COL23A1: variants seen among roughly 807,000 people sequenced by gnomAD.
COL23A1 encodes collagen type XXIII alpha 1 chain, also known as collagen alpha-1(XXIII) chain.
Under a neutral mutation model 99.3 loss-of-function variants are expected in COL23A1, and 97 were observed. The ratio of observed to expected loss-of-function variants is 0.98; its 90% CI spans 0.83 to 1.16. COL23A1 has a LOEUF of 1.16. Ranked by LOEUF, COL23A1 falls within the 50% of genes most tolerant of loss-of-function variation. COL23A1 has a pLI of 0.00. For missense variants in COL23A1, 762 were observed against 757.4 expected (o/e 1.01, Z -0.07); for synonymous variants, 320 against 308.2 (o/e 1.04, Z -0.40).
At chr5:178,581,453 C>A (rs1293079219) in intron 1 of COL23A1, among the ~76,000 whole-genome samples, 1 of 151,662 alleles carries the variant, frequency 6.6e-6, no homozygotes, top group African/African-American at 2.4e-5. Context: ...GTAATCCCAG[C>A]TACTCGGGAG....
intron 2 of COL23A1, among the ~76,000 whole-genome samples, chr5:178,397,378 C>G (rs1385900733): frequency 1.3e-5 from 2 of 152,222 alleles, no homozygotes; most frequent in Non-Finnish European, 2.9e-5. Flanking sequence ...GGACCCACAG[C>G]TGCAACGGAT....
At chr5:178,529,412 C>T (rs568641390) in intron 2 of COL23A1, among the ~76,000 whole-genome samples, 30 of 150,870 alleles carry the variant, frequency 2.0e-4, no homozygotes, top group African/African-American at 7.2e-4. Context: ...GACCATCAGA[C>T]GCCTGGTTTC....
At chr5:178,537,037 C>T (rs1287747328) in intron 2 of COL23A1, among the ~76,000 whole-genome samples, 1 of 152,250 alleles carries the variant, frequency 6.6e-6, no homozygotes, top group Non-Finnish European at 1.5e-5. Flanking sequence ...TCCTGCTTAC[C>T]TTCCAGAGAC....
chr5:178,369,933 G>T (rs1200718916), intron 2 of COL23A1, among the ~76,000 whole-genome samples: 1 of 152,204 alleles, frequency 6.6e-6, no homozygotes, highest in Non-Finnish European at 1.5e-5. Context: ...TAAGAGGCAA[G>T]ACCTTAGGTT....
rs572295370 is a variant in COL23A1 at position 178,357,991 on chromosome 5, CGT to C, written c.362-51074_362-51073del. On this transcript the variant is annotated intron_variant, in intron 2 of 28. Coordinates refer to ENST00000390654, the MANE Select transcript of COL23A1 (RefSeq NM_173465.4). ...GTGTATGTGTATATATGTGTGTATG[CGT>C]GTGTGTATATGTATGTGTGTGTATG... Among the ~76,000 whole-genome samples, 378 of 117,912 alleles carry C rather than the reference CGT, an allele frequency of 3.2e-3. 3 individuals are homozygous for C. Among genetic ancestry groups the C allele is most frequent in the Middle Eastern group, 0.026 (4 of 152 alleles). The allele number at this position is 117,912 out of a possible 152,430, so 77.4% of individuals were successfully genotyped here.
chr5:178,362,313 C>A (rs937649576), intron 2 of COL23A1, among the ~76,000 whole-genome samples: 4 of 152,058 alleles, frequency 2.6e-5, no homozygotes, highest in African/African-American at 9.7e-5. Context: ...ACCACAGGCC[C>A]CGGGGTTGGT....
intron 2 of COL23A1, among the ~76,000 whole-genome samples, chr5:178,322,575 G>T (rs1759385597): frequency 8.6e-6 from 1 of 115,864 alleles, no homozygotes; most frequent in South Asian, 2.5e-4. Context: ...CTGCCTGGGG[G>T]CTGCCAAACG....
At chr5:178,535,681 CT>C (rs907823806) in intron 2 of COL23A1, among the ~76,000 whole-genome samples, 4 of 152,256 alleles carry the variant, frequency 2.6e-5, no homozygotes, top group Admixed American at 6.5e-5. Context: ...ACTCCAGGAG[CT>C]GGAGGCAGAC....
chr5:178,338,939 A>G (rs1421430316), intron 2 of COL23A1, among the ~76,000 whole-genome samples: 2 of 152,148 alleles, frequency 1.3e-5, no homozygotes, highest in African/African-American at 2.4e-5. Context: ...TCTATCAACA[A>G]CACATCTTAG....
intron 2 of COL23A1, among the ~76,000 whole-genome samples, chr5:178,498,255 T>TATATATATAA (rs1340447435): frequency 4.2e-5 from 3 of 70,908 alleles, no homozygotes; most frequent in African/African-American, 1.8e-4. Flanking sequence ...TATATATATA[T>TATATATATAA]ATAAAAGAAC....
At chr5:178,361,343 T>C (rs181012239) in intron 2 of COL23A1, among the ~76,000 whole-genome samples, 1 of 152,318 alleles carries the variant, frequency 6.6e-6, no homozygotes, top group Non-Finnish European at 1.5e-5. Flanking sequence ...TCTGAAGGCT[T>C]TTCTCCTGTG....
At chr5:178,429,604 T>C (rs10037451) in intron 2 of COL23A1, among the ~76,000 whole-genome samples, 96,411 of 152,062 alleles carry the variant, frequency 0.63, 32,934 homozygotes, top group African/African-American at 0.91. Context: ...ATGCGTAAAA[T>C]GTAGATTCAT....
At chr5:178,513,106 G>A (rs1437863612) in intron 2 of COL23A1, among the ~76,000 whole-genome samples, 1 of 152,230 alleles carries the variant, frequency 6.6e-6, no homozygotes, top group Non-Finnish European at 1.5e-5. Flanking sequence ...AGGAAGGCTG[G>A]ATGTTCCTGA....
intron 2 of COL23A1, among the ~76,000 whole-genome samples, chr5:178,382,177 G>T (rs1481100230): frequency 6.6e-6 from 1 of 152,148 alleles, no homozygotes; most frequent in Non-Finnish European, 1.5e-5. Context: ...GCTCAGAGAG[G>T]CTGGGTGTCT....
intron 2 of COL23A1, among the ~76,000 whole-genome samples, chr5:178,320,460 AGGTCCCACGC>A (rs1350749552): frequency 6.6e-6 from 1 of 152,212 alleles, no homozygotes; most frequent in Non-Finnish European, 1.5e-5. Flanking sequence ...TTCTCAGAGC[AGGTCCCACGC>A]GGCCCCCACG....
At chr5:178,326,910 G>T (rs1561864500) in intron 2 of COL23A1, among the ~76,000 whole-genome samples, 1 of 152,178 alleles carries the variant, frequency 6.6e-6, no homozygotes, top group Non-Finnish European at 1.5e-5. Context: ...AGTAGAGACG[G>T]GGTTTCACCA....
intron 2 of COL23A1, among the ~76,000 whole-genome samples, chr5:178,471,249 CT>C (rs70997603): frequency 0.79 from 120,070 of 151,576 alleles, 48,922 homozygotes; most frequent in Non-Finnish European, 0.9. Flanking sequence ...TGTTTTCTTT[CT>C]TTTTTTTTGA....
chr5:178,240,928 A>G (rs953779663), intron 27 of COL23A1, among the ~76,000 whole-genome samples: 1 of 152,104 alleles, frequency 6.6e-6, no homozygotes, highest in East Asian at 1.9e-4. Flanking sequence ...GTGACATGTA[A>G]ACCCTCCCTA....
At chr5:178,239,085 C>G in intron 28 of COL23A1, 56 bp downstream of exon 28, 4 of 1,570,220 alleles carry the variant, frequency 2.5e-6, no homozygotes, top group East Asian at 4.5e-5. Flanking sequence ...CCCTCCCATT[C>G]CCCCACCCTC....
Sources: allele counts gnomAD v4.1 joint callset (sites outside exome capture counted in the v4.1 genomes callset), GRCh38; gene constraint gnomAD v4.1.1; transcripts MANE v1.5; gene names NCBI Gene and HGNC (gene_info 2026-07-23, HGNC 2026-07-21).